SPATA13: variants seen among roughly 807,000 people sequenced by gnomAD.
The protein encoded by SPATA13 is spermatogenesis-associated protein 13.
A neutral mutation model predicts 104.0 loss-of-function variants in SPATA13; 50 were observed. The ratio of observed to expected loss-of-function variants is 0.48; its 90% CI spans 0.38 to 0.61. The LOEUF (loss-of-function observed/expected upper bound fraction) is 0.61, where lower values mean the gene tolerates loss of function less well. Among genes scored for constraint, SPATA13 ranks in the 20% least tolerant of loss-of-function variants. The probability of loss-of-function intolerance (pLI) is 0.00; values close to 1 mark genes in which losing one functional copy is unlikely to be tolerated. For synonymous variants in SPATA13, 606 were observed against 667.5 expected (o/e 0.91, Z 1.42); for missense variants, 1,524 against 1,690.6 (o/e 0.90, Z 1.73).
intron 3 of SPATA13, among the ~76,000 whole-genome samples, chr13:24,150,497 TG>T (rs1566122516): frequency 6.6e-6 from 1 of 152,222 alleles, no homozygotes; most frequent in Non-Finnish European, 1.5e-5. Flanking sequence ...AATTAGTCAG[TG>T]TTCTCCAGAG....
chr13:24,066,664 G>A (rs927374755), intron 3 of SPATA13, among the ~76,000 whole-genome samples: 1 of 152,178 alleles, frequency 6.6e-6, no homozygotes, highest in Non-Finnish European at 1.5e-5. Context: ...TGGGCCAGGA[G>A]GGGTCTGTTT....
At position 24,305,311 on chromosome 13, in the gene SPATA13, A is replaced by C. The variant is rs1036384960; in HGVS notation, c.*2538A>C. The C allele has an allele frequency of 6.6e-6, 1 of 152,228 alleles. No individual in the cohort carries two copies. The highest frequency in any genetic ancestry group is 2.4e-5 in the African/African-American group (1 of 41,462). 9.4% of individuals were successfully genotyped at this position (152,228 alleles called of 1,614,324 possible). A position where few individuals can be genotyped will look rare whatever the true frequency, so the allele number is the denominator to read the frequency against. Reference sequence around the variant, plus strand: ...ATGTGTTTTTGTTAAGTCAGGTTCAATTCGTTGCCCCTGTCAGTTTTATAG... The same window carrying C: ...ATGTGTTTTTGTTAAGTCAGGTTCACTTCGTTGCCCCTGTCAGTTTTATAG... On this transcript the variant is annotated 3_prime_UTR_variant, in exon 13 of 13. Transcript: ENST00000382108.
At chr13:24,094,835 C>G (rs1003842742) in intron 3 of SPATA13, among the ~76,000 whole-genome samples, 7 of 152,178 alleles carry the variant, frequency 4.6e-5, no homozygotes, top group Admixed American at 1.3e-4. Flanking sequence ...ACAGCCTTTT[C>G]AAGCTCATTA....
chr13:24,269,865 A>G (rs1874483209), intron 4 of SPATA13, among the ~76,000 whole-genome samples: 1 of 147,714 alleles, frequency 6.8e-6, no homozygotes, highest in Admixed American at 7.0e-5. Flanking sequence ...TTGGGATTAC[A>G]GGTGTGAGCT....
chr13:24,018,101 G>A (rs1216583997), intron 3 of SPATA13, among the ~76,000 whole-genome samples: 3 of 152,180 alleles, frequency 2.0e-5, no homozygotes, highest in Admixed American at 6.5e-5. Flanking sequence ...AACCAATCAC[G>A]AGTCTTACAT....
chr13:24,052,818 C>G (rs1294712316), intron 3 of SPATA13, among the ~76,000 whole-genome samples: 1 of 5,890 alleles, frequency 1.7e-4, no homozygotes, highest in Non-Finnish European at 4.5e-4. Flanking sequence ...AGCACTTCCC[C>G]CTGCCGCCAG....
chr13:24,196,417 C>T (rs1436418126), intron 1 of SPATA13, among the ~76,000 whole-genome samples: 1 of 152,120 alleles, frequency 6.6e-6, no homozygotes, highest in Non-Finnish European at 1.5e-5. Flanking sequence ...ATATAACATT[C>T]AATAAAAATA....
chr13:24,285,381 G>A (rs1324157213), intron 5 of SPATA13, among the ~76,000 whole-genome samples: 1 of 152,148 alleles, frequency 6.6e-6, no homozygotes, highest in Non-Finnish European at 1.5e-5. Flanking sequence ...TTGGCTCTGT[G>A]ACATCTAGTA....
intron 2 of SPATA13, among the ~76,000 whole-genome samples, chr13:24,000,836 G>A (rs1201137058): frequency 6.6e-6 from 1 of 152,010 alleles, no homozygotes; most frequent in Non-Finnish European, 1.5e-5. Context: ...GGTGAGAGGT[G>A]TGAATTTGGG....
intron 3 of SPATA13, among the ~76,000 whole-genome samples, chr13:24,137,358 G>A (rs1268232735): frequency 1.3e-5 from 2 of 152,200 alleles, no homozygotes; most frequent in African/African-American, 2.4e-5. Context: ...CCAGAAAGGG[G>A]CAGTCTCTCT....
At chr13:24,188,798 G>C (rs1224781316) in intron 1 of SPATA13, among the ~76,000 whole-genome samples, 1 of 152,172 alleles carries the variant, frequency 6.6e-6, no homozygotes, top group Non-Finnish European at 1.5e-5. Flanking sequence ...TCAGTGTCTG[G>C]TTTCAGAGCT....
intron 1 of SPATA13, among the ~76,000 whole-genome samples, chr13:24,186,548 C>G (rs895382386): frequency 1.3e-5 from 2 of 152,124 alleles, no homozygotes; most frequent in Admixed American, 1.3e-4. Flanking sequence ...AAGATTAAAG[C>G]TGAAATTATT....
At chr13:24,083,268 C>T (rs559798827) in intron 3 of SPATA13, among the ~76,000 whole-genome samples, 1 of 152,220 alleles carries the variant, frequency 6.6e-6, no homozygotes, top group Non-Finnish European at 1.5e-5. Context: ...AGTCCTCTTG[C>T]AGGCCGTGAG....
rs1198863335 is a variant in SPATA13 at position 24,189,716 on chromosome 13, CAT to C, written c.-112+28790_-112+28791del. On this transcript the variant is annotated intron_variant, in intron 1 of 12. Transcript: ENST00000382108. ...ATATATAATATATTATATATAAAAGCATATATAATATATAATATATTATATAT... is the reference window on the plus strand; with the variant it reads ...ATATATAATATATTATATATAAAAGCATATAATATATAATATATTATATAT... Among the ~76,000 whole-genome samples, 4 of 6,018 alleles carry C rather than the reference CAT, an allele frequency of 6.6e-4. 1 individual carries two copies. Among genetic ancestry groups the C allele is most frequent in the African/African-American group, 8.8e-4 (4 of 4,538 alleles). The allele number at this position is 6,018 out of a possible 152,430, so 3.9% of individuals were successfully genotyped here.
At chr13:24,141,817 A>C in intron 3 of SPATA13, among the ~76,000 whole-genome samples, 1 of 152,200 alleles carries the variant, frequency 6.6e-6, no homozygotes, top group East Asian at 1.9e-4. Flanking sequence ...TAATTCATGC[A>C]TCACTTCAAG....
intron 3 of SPATA13, among the ~76,000 whole-genome samples, chr13:24,050,797 C>T (rs914929516): frequency 5.3e-5 from 8 of 152,196 alleles, no homozygotes; most frequent in Non-Finnish European, 4.4e-5. Flanking sequence ...GCCAAGGTGC[C>T]TCATGCCACC....
Position 24,213,007 on chromosome 13 carries a change from G to A in SPATA13, c.-111-9812G>A, listed in dbSNP as rs1326230217. Among the ~76,000 whole-genome samples the A allele has an allele frequency of 4.6e-5, 7 of 152,264 alleles. No individual in the cohort carries two copies. The South Asian group carries it at 6.2e-4, about 14-fold the overall frequency. On this transcript the variant is annotated intron_variant, in intron 1 of 12. Coordinates refer to ENST00000382108, the MANE Select transcript of SPATA13 (RefSeq NM_001166271.3). ...CTGACCTTAGGTGCAATAGCACATC[G>A]CAGCAGAGGAAGTTACAGTGATGAC...
intron 3 of SPATA13, among the ~76,000 whole-genome samples, chr13:24,083,041 G>A (rs1879593949): frequency 6.6e-6 from 1 of 152,110 alleles, no homozygotes; most frequent in Non-Finnish European, 1.5e-5. Flanking sequence ...TTCTATGCTG[G>A]ACTAGAAATG....
chr13:24,058,920 G>A (rs1878669997), intron 3 of SPATA13, among the ~76,000 whole-genome samples: 1 of 151,628 alleles, frequency 6.6e-6, no homozygotes, highest in Admixed American at 6.6e-5. Context: ...TCTGTCTCAT[G>A]TAGACCTGTA....
Sources: gnomAD v4.1 joint callset for allele counts (sites outside exome capture counted in the v4.1 genomes callset) on GRCh38, gnomAD v4.1.1 for gene constraint, MANE v1.5 for transcripts, NCBI Gene and HGNC (gene_info 2026-07-23, HGNC 2026-07-21) for gene names.